The following FDFT1 variants were observed in gnomAD, a reference collection of about 807,000 sequenced individuals.
The protein encoded by FDFT1 is squalene synthase.
FDFT1 carries 68 observed loss-of-function variants against 46.8 expected under a neutral mutation model. That is an observed-to-expected ratio of 1.45 (90% CI 1.19 to 1.78). The LOEUF (loss-of-function observed/expected upper bound fraction) is 1.78, where lower values mean the gene tolerates loss of function less well. Among genes scored for constraint, FDFT1 ranks in the 40% most tolerant of loss-of-function variants. FDFT1 has a pLI of 0.00. For missense variants in FDFT1, 928 were observed against 524.4 expected, an observed-to-expected ratio of 1.77 and a Z score of -7.52; for synonymous variants, 351 against 185.1, an observed-to-expected ratio of 1.90 and a Z score of -7.28.
At chr8:11,828,140 T>A (rs1400944771) in intron 5 of FDFT1, among the ~76,000 whole-genome samples, 1 of 151,846 alleles carries the variant, frequency 6.6e-6, no homozygotes, top group South Asian at 2.1e-4. Context: ...AATCAAAAAT[T>A]AGCTGGGTAT....
intron 5 of FDFT1, among the ~76,000 whole-genome samples, chr8:11,829,074 A>G (rs964960846): frequency 6.6e-6 from 1 of 152,248 alleles, no homozygotes; most frequent in African/African-American, 2.4e-5. Flanking sequence ...AGGAGCTGCC[A>G]GACGCTTTTC....
At chr8:11,812,570 G>C (rs892888556) in intron 3 of FDFT1, among the ~76,000 whole-genome samples, 8 of 152,206 alleles carry the variant, frequency 5.3e-5, no homozygotes, top group African/African-American at 1.9e-4. Context: ...ATTCAAACCT[G>C]AATCAACCAG....
upstream of FDFT1, among the ~76,000 whole-genome samples, chr8:11,798,740 C>G (rs527655501): frequency 5.3e-5 from 8 of 152,316 alleles, no homozygotes; most frequent in African/African-American, 1.7e-4. Context: ...ACTCATTGAG[C>G]ACCCAATAAA....
chr8:11,824,378 G>T (rs1809673244), intron 4 of FDFT1, among the ~76,000 whole-genome samples: 1 of 152,210 alleles, frequency 6.6e-6, no homozygotes, highest in Non-Finnish European at 1.5e-5. Context: ...TGAGAGAGGG[G>T]AAGTTACGTT....
intron 3 of FDFT1, chr8:11,810,109 AAT>A: frequency 1.0e-5 from 2 of 190,524 alleles, no homozygotes; most frequent in Non-Finnish European, 1.1e-5. Context: ...AAATAGGGGT[AAT>A]AATAACACCT....
chr8:11,818,644 T>G (rs954170716), intron 3 of FDFT1, among the ~76,000 whole-genome samples: 1 of 152,164 alleles, frequency 6.6e-6, no homozygotes, highest in African/African-American at 2.4e-5. Context: ...TTGATCTTAG[T>G]TGGTTTAAAG....
chr8:11,796,814 G>T (rs1316528709), intron 1 of FDFT1, among the ~76,000 whole-genome samples: 1 of 152,228 alleles, frequency 6.6e-6, no homozygotes, highest in African/African-American at 2.4e-5. Flanking sequence ...AGGGTTCCTG[G>T]CTTTACCCAG....
At chr8:11,798,306 T>C (rs2130623525), upstream of FDFT1, among the ~76,000 whole-genome samples, 1 of 152,210 alleles carries the variant, frequency 6.6e-6, no homozygotes, top group Admixed American at 6.5e-5. Flanking sequence ...GTGATCCGCC[T>C]GCATTGGTCT....
At chr8:11,804,569 T>G (rs1806566480) in intron 1 of FDFT1, among the ~76,000 whole-genome samples, 2 of 151,978 alleles carry the variant, frequency 1.3e-5, no homozygotes, top group South Asian at 4.2e-4. Flanking sequence ...GAAAAATACA[T>G]TTCCCTTCAC....
intron 2 of FDFT1, 175 bp downstream of exon 2, chr8:11,809,066 C>T (rs1200824793): frequency 7.5e-6 from 10 of 1,328,338 alleles, no homozygotes; most frequent in African/African-American, 4.5e-5. Flanking sequence ...AGGCTCTTTG[C>T]CATCTAGTAG....
At position 11,839,017 on chromosome 8, in the gene FDFT1, G is replaced by A. The variant is rs753241463; in HGVS notation, c.*408G>A. 5.8e-6 allele frequency: 1 copy of A among 173,902 alleles called. No individual in the cohort carries two copies. The highest frequency in any genetic ancestry group is 1.2e-4 in the South Asian group (1 of 8,124). The allele number at this position is 173,902 out of a possible 1,614,324, so 10.8% of individuals were successfully genotyped here. A position where few individuals can be genotyped will look rare whatever the true frequency, so the allele number is the denominator to read the frequency against. On this transcript the variant is annotated 3_prime_UTR_variant, in exon 8 of 8. Transcript: ENST00000220584. Reference sequence around the variant, plus strand: ...AATGATGTGAATTTTCTTTCTGTTCGGCTCCTATTTTTCTCATCATTTTGT... The same window carrying A: ...AATGATGTGAATTTTCTTTCTGTTCAGCTCCTATTTTTCTCATCATTTTGT...
rs1057242804 is a variant in FDFT1, at chr8:11,795,604, A to T, written c.-501A>T. 4.7e-5 allele frequency: 7 copies of T among 149,534 alleles called. No homozygotes were observed. The South Asian group carries it at 6.3e-4, about 13-fold the overall frequency. 9.3% of individuals were successfully genotyped at this position (149,534 alleles called of 1,614,324 possible). On this transcript the variant is annotated 5_prime_UTR_variant, in exon 1 of 8. Coordinates refer to the FDFT1 transcript ENST00000538689. The stretch of plus-strand genomic sequence containing the variant: ...GGTGGCAACACGCTGGGTTTGCTTT[A>T]CAACGCTTGGGAAGCTTTGTTGTTT...
At chr8:11,830,060 C>T (rs1366484842) in intron 5 of FDFT1, among the ~76,000 whole-genome samples, 184 bp from the exon 6 acceptor site, 2 of 152,108 alleles carry the variant, frequency 1.3e-5, no homozygotes, top group East Asian at 3.9e-4. Context: ...CTTGGCCAGG[C>T]TGGTCTTGAA....
intron 1 of FDFT1, 143 bp downstream of exon 1, chr8:11,803,074 G>T (rs565429713): frequency 4.8e-6 from 7 of 1,447,516 alleles, no homozygotes; most frequent in Non-Finnish European, 6.3e-6. Flanking sequence ...CCCTTTCCTC[G>T]AGCCTTCCCC....
intron 2 of FDFT1, chr8:11,809,212 C>G (rs771140956): frequency 1.7e-4 from 202 of 1,195,398 alleles, no homozygotes; most frequent in Non-Finnish European, 2.0e-4. Flanking sequence ...CTTTGCATTT[C>G]TATTTCTAGC....
At chr8:11,837,883 A>C (rs1811754925) in intron 7 of FDFT1, among the ~76,000 whole-genome samples, 1 of 152,084 alleles carries the variant, frequency 6.6e-6, no homozygotes, top group Non-Finnish European at 1.5e-5. Context: ...AGGAGTGGGG[A>C]GGGAGGCACA....
upstream of FDFT1, among the ~76,000 whole-genome samples, chr8:11,798,564 G>T (rs1454594965): frequency 6.6e-6 from 1 of 152,212 alleles, no homozygotes; most frequent in Non-Finnish European, 1.5e-5. Flanking sequence ...GAGAAAGGGC[G>T]TTATCAATGA....
intron 7 of FDFT1, among the ~76,000 whole-genome samples, chr8:11,832,794 G>A (rs1811020135): frequency 6.6e-6 from 1 of 152,040 alleles, no homozygotes; most frequent in East Asian, 1.9e-4. Context: ...ATCCTGTTGA[G>A]AATGAAACAC....
chr8:11,821,194 T>G (rs959540817), intron 3 of FDFT1, among the ~76,000 whole-genome samples: 1 of 152,260 alleles, frequency 6.6e-6, no homozygotes, highest in Non-Finnish European at 1.5e-5. Context: ...CATTATACAT[T>G]GGAAAGATGA....
Sources: gnomAD v4.1 joint callset for allele counts (sites outside exome capture counted in the v4.1 genomes callset) on GRCh38, gnomAD v4.1.1 for gene constraint, MANE v1.5 for transcripts, NCBI Gene and HGNC (gene_info 2026-07-23, HGNC 2026-07-21) for gene names.